Variants in MACROD2 observed in about 807,000 individuals in gnomAD.
MACROD2 encodes ADP-ribose glycohydrolase MACROD2.
A neutral mutation model predicts 70.4 loss-of-function variants in MACROD2; 36 were observed. The observed-to-expected ratio is 0.51, with a 90% CI of 0.39 to 0.68. The LOEUF (loss-of-function observed/expected upper bound fraction) is 0.68, where lower values mean the gene tolerates loss of function less well. MACROD2 is among the 30% of genes least tolerant of loss of function. MACROD2 has a pLI of 0.00. For missense variants in MACROD2, 496 were observed against 538.4 expected (o/e 0.92, Z 0.78); for synonymous variants, 172 against 178.8 (o/e 0.96, Z 0.30).
chr20:15,716,448 A>G (rs1394117394), intron 8 of MACROD2, among the ~76,000 whole-genome samples: 1 of 152,228 alleles, frequency 6.6e-6, no homozygotes, highest in Non-Finnish European at 1.5e-5. Context: ...TTACTTGGAA[A>G]GGCACCAACT....
chr20:15,801,396 GC>G (rs2063725127), intron 8 of MACROD2, among the ~76,000 whole-genome samples: 1 of 151,748 alleles, frequency 6.6e-6, no homozygotes, highest in African/African-American at 2.4e-5. Context: ...ACTAGCCAAT[GC>G]AGGGTTCTTC....
At chr20:16,022,847 T>G (rs1415337768) in intron 15 of MACROD2, among the ~76,000 whole-genome samples, 2 of 152,216 alleles carry the variant, frequency 1.3e-5, no homozygotes, top group Non-Finnish European at 2.9e-5. Flanking sequence ...TGCATGTATG[T>G]GCCAACCGAA....
At chr20:16,036,368 A>G (rs927009520) in intron 15 of MACROD2, among the ~76,000 whole-genome samples, 1 of 151,912 alleles carries the variant, frequency 6.6e-6, no homozygotes, top group African/African-American at 2.4e-5. Flanking sequence ...TTCTTCTATG[A>G]TGACATCTGC....
intron 2 of MACROD2, among the ~76,000 whole-genome samples, chr20:14,035,778 G>C (rs2053299479): frequency 6.6e-6 from 1 of 152,192 alleles, no homozygotes; most frequent in Non-Finnish European, 1.5e-5. Context: ...ATTATTCAGA[G>C]AAATGGAGGG....
At chr20:14,512,107 G>C (rs771625019) in intron 4 of MACROD2, among the ~76,000 whole-genome samples, 2 of 152,122 alleles carry the variant, frequency 1.3e-5, no homozygotes, top group African/African-American at 2.4e-5. Context: ...TGCATAGGCA[G>C]ATGCAAAGAT....
At chr20:14,559,892 C>T (rs1600385803) in intron 4 of MACROD2, among the ~76,000 whole-genome samples, 1 of 151,758 alleles carries the variant, frequency 6.6e-6, no homozygotes, top group East Asian at 1.9e-4. Flanking sequence ...CATTTCTCTT[C>T]TCTGTCTCTC....
chr20:14,825,383 C>T (rs2072890123), intron 5 of MACROD2, among the ~76,000 whole-genome samples: 1 of 152,046 alleles, frequency 6.6e-6, no homozygotes, highest in South Asian at 2.1e-4. Flanking sequence ...AAAGTCTTTT[C>T]TAGAAAGGTC....
chr20:15,401,183 G>A (rs375492029), intron 6 of MACROD2, among the ~76,000 whole-genome samples: 11 of 151,874 alleles, frequency 7.2e-5, no homozygotes, highest in Non-Finnish European at 1.3e-4. Flanking sequence ...GACTACAGGC[G>A]CCCACCACCA....
intron 5 of MACROD2, among the ~76,000 whole-genome samples, chr20:15,045,831 A>G (rs1191090134): frequency 1.4e-5 from 2 of 141,044 alleles, no homozygotes; most frequent in Non-Finnish European, 3.0e-5. Context: ...GAACTTCATT[A>G]TATTGAAGTG....
intron 3 of MACROD2, among the ~76,000 whole-genome samples, chr20:14,328,502 T>C (rs1248960369): frequency 1.3e-5 from 2 of 152,180 alleles, no homozygotes; most frequent in Admixed American, 6.6e-5. Context: ...TTGTGTAATA[T>C]AGTCTCTTCT....
intron 3 of MACROD2, among the ~76,000 whole-genome samples, chr20:14,180,572 G>A (rs1415099387): frequency 1.3e-5 from 2 of 151,948 alleles, no homozygotes; most frequent in East Asian, 3.9e-4. Flanking sequence ...TGTTGTTCAG[G>A]CATTTAGATT....
chr20:15,542,145 A>T (rs1206990535), intron 8 of MACROD2, among the ~76,000 whole-genome samples: 2 of 152,204 alleles, frequency 1.3e-5, no homozygotes, highest in African/African-American at 4.8e-5. Context: ...CCTTCTATGG[A>T]GACAGTCAAA....
intron 5 of MACROD2, among the ~76,000 whole-genome samples, chr20:14,844,730 C>T (rs929126152): frequency 6.6e-6 from 1 of 151,972 alleles, no homozygotes; most frequent in Non-Finnish European, 1.5e-5. Context: ...CTTATGCTTA[C>T]TATAAATCAA....
chr20:15,243,550 T>C (rs175313), intron 6 of MACROD2, among the ~76,000 whole-genome samples: 42,770 of 151,928 alleles, frequency 0.28, 6,232 homozygotes, highest in African/African-American at 0.34. Flanking sequence ...TCAATATATG[T>C]GGATCTTAAA....
At chr20:16,038,464 A>G (rs1486853747) in intron 15 of MACROD2, among the ~76,000 whole-genome samples, 1 of 150,784 alleles carries the variant, frequency 6.6e-6, no homozygotes, top group Non-Finnish European at 1.5e-5. Flanking sequence ...TGGCTTACTA[A>G]TCACCTCTTC....
intron 8 of MACROD2, among the ~76,000 whole-genome samples, chr20:15,545,549 G>A (rs1464324528): frequency 6.6e-6 from 1 of 152,012 alleles, no homozygotes; most frequent in African/African-American, 2.4e-5. Context: ...AGAATCATAG[G>A]GTCACCTTTA....
intron 12 of MACROD2, among the ~76,000 whole-genome samples, chr20:15,938,961 G>A (rs1350554253): frequency 1.3e-5 from 2 of 152,200 alleles, no homozygotes; most frequent in African/African-American, 2.4e-5. Context: ...ATTCCCTTAA[G>A]CCAGAGCCTA....
chr20:15,861,452 G>A (rs1291879499), intron 8 of MACROD2, among the ~76,000 whole-genome samples: 3 of 152,182 alleles, frequency 2.0e-5, no homozygotes, highest in African/African-American at 7.2e-5. Context: ...AGACACGAAA[G>A]TGAACACAAG....
chr20:14,830,986 C>T lies in MACROD2; in HGVS notation c.418+146027C>T, dbSNP rs564343044. Among the ~76,000 whole-genome samples, 22 of 152,176 alleles carry T rather than the reference C, an allele frequency of 1.4e-4. No homozygotes were observed. In the South Asian group the frequency reaches 2.7e-3, roughly 19 times the overall value. On this transcript the variant is annotated intron_variant, in intron 5 of 17. Transcript: ENST00000684519. ...GTTCAAATCGTTTTCTCTTTATGCA[C>T]GGTGAAATCTCAATGTTGGTTACTG... is the stretch of plus-strand genomic sequence containing the variant.
Sources: gnomAD v4.1 joint callset for allele counts (sites outside exome capture counted in the v4.1 genomes callset) on GRCh38, gnomAD v4.1.1 for gene constraint, MANE v1.5 for transcripts, NCBI Gene and HGNC (gene_info 2026-07-23, HGNC 2026-07-21) for gene names.